CACNG5: variants seen among roughly 807,000 people sequenced by gnomAD.
CACNG5 encodes calcium voltage-gated channel auxiliary subunit gamma 5.
A neutral mutation model predicts 24.8 loss-of-function variants in CACNG5; 18 were observed. The ratio of observed to expected loss-of-function variants is 0.73; its 90% confidence interval spans 0.50 to 1.08. The LOEUF is 1.08. CACNG5 is among the 50% of genes least tolerant of loss of function. CACNG5 has a pLI of 0.00. For missense variants in CACNG5, 349 were observed against 367.9 expected, an observed-to-expected ratio of 0.95 and a Z score of 0.42; for synonymous variants, 157 against 149.1, an observed-to-expected ratio of 1.05 and a Z score of -0.39.
intron 1 of CACNG5, among the ~76,000 whole-genome samples, chr17:66,850,670 G>A (rs1204360589): frequency 6.6e-6 from 1 of 152,000 alleles, no homozygotes; most frequent in Non-Finnish European, 1.5e-5. Context: ...ACTGGGAAAT[G>A]CAGAAGAATA....
At chr17:66,850,380 G>T (rs548451954) in intron 1 of CACNG5, among the ~76,000 whole-genome samples, 1 of 152,088 alleles carries the variant, frequency 6.6e-6, no homozygotes, top group Non-Finnish European at 1.5e-5. Context: ...GTTAAATAAT[G>T]AAACAAAAAT....
rs1977251669 is a variant in CACNG5 at position 66,885,833 on chromosome 17, C to T, written c.*593C>T. 6.6e-6 allele frequency among the ~76,000 whole-genome samples: 1 copy of T among 152,240 alleles called. No homozygotes were observed. The highest frequency in any genetic ancestry group is 1.5e-5 in the Non-Finnish European group (1 of 68,048). On this transcript the variant is annotated 3_prime_UTR_variant, in exon 6 of 6. Coordinates refer to ENST00000533854, the MANE Select transcript of CACNG5 (RefSeq NM_145811.3). Reference sequence around the variant, plus strand: ...CACACCTGTCCATGCTCTTCCCTCCCTGACACAGGCTGTGGTGAACTTTTT... The same window carrying T: ...CACACCTGTCCATGCTCTTCCCTCCTTGACACAGGCTGTGGTGAACTTTTT...
chr17:66,850,597 CAT>C (rs570695903), intron 1 of CACNG5, among the ~76,000 whole-genome samples: 1 of 140,910 alleles, frequency 7.1e-6, no homozygotes, highest in African/African-American at 2.9e-5. Flanking sequence ...TACACAAATA[CAT>C]ACACACACAC....
At chr17:66,848,895 T>TA (rs1353434794) in intron 1 of CACNG5, among the ~76,000 whole-genome samples, 7 of 152,124 alleles carry the variant, frequency 4.6e-5, no homozygotes, top group African/African-American at 1.4e-4. Flanking sequence ...AAGATGGCAT[T>TA]ATGGGTGACA....
At chr17:66,851,367 C>G (rs1976708075) in intron 1 of CACNG5, among the ~76,000 whole-genome samples, 1 of 152,274 alleles carries the variant, frequency 6.6e-6, no homozygotes, top group South Asian at 2.1e-4. Flanking sequence ...CATAGGATTC[C>G]CATGGGGATG....
chr17:66,846,518 C>A (rs554997918), intron 1 of CACNG5, among the ~76,000 whole-genome samples: 1 of 152,162 alleles, frequency 6.6e-6, no homozygotes, highest in Admixed American at 6.5e-5. Flanking sequence ...TCTTTCACTT[C>A]ACATAATGTT....
chr17:66,844,656 C>T (rs1976611820), intron 1 of CACNG5, among the ~76,000 whole-genome samples: 2 of 151,418 alleles, frequency 1.3e-5, no homozygotes, highest in African/African-American at 2.4e-5. Flanking sequence ...TGGTCTCGGC[C>T]CCACAGCCAT....
At chr17:66,866,132 T>C (rs549645302) in intron 1 of CACNG5, among the ~76,000 whole-genome samples, 2 of 152,216 alleles carry the variant, frequency 1.3e-5, no homozygotes, top group African/African-American at 2.4e-5. Flanking sequence ...TGTTCTAGAG[T>C]AGAGAAATGG....
chr17:66,848,674 G>A (rs956689435), intron 1 of CACNG5, among the ~76,000 whole-genome samples: 3 of 152,156 alleles, frequency 2.0e-5, no homozygotes, highest in Admixed American at 6.5e-5. Flanking sequence ...CGAATTTGAG[G>A]TCCTGGTAGT....
At chr17:66,839,311 C>A (rs1976531415) in intron 1 of CACNG5, among the ~76,000 whole-genome samples, 1 of 151,992 alleles carries the variant, frequency 6.6e-6, no homozygotes, top group African/African-American at 2.4e-5. Context: ...GCCAAAAATC[C>A]CCTGGGAGGC....
intron 1 of CACNG5, among the ~76,000 whole-genome samples, chr17:66,876,062 T>G (rs1977073814): frequency 6.6e-6 from 1 of 152,196 alleles, no homozygotes; most frequent in African/African-American, 2.4e-5. Context: ...GGGATCCTGT[T>G]AAAATGCAGA....
intron 1 of CACNG5, among the ~76,000 whole-genome samples, chr17:66,865,849 G>T (rs1392911765): frequency 1.4e-5 from 2 of 146,624 alleles, no homozygotes; most frequent in Non-Finnish European, 3.0e-5. Context: ...CACTGTGTTA[G>T]CCAGGATGGT....
At chr17:66,869,726 G>C (rs1976976442) in intron 1 of CACNG5, among the ~76,000 whole-genome samples, 1 of 152,190 alleles carries the variant, frequency 6.6e-6, no homozygotes, top group African/African-American at 2.4e-5. Context: ...GTGAGAAGGA[G>C]CTAAGTAAGT....
In CACNG5 at chr17:66,885,258, C is replaced by T; in HGVS notation, c.*18C>T. On this transcript the variant is annotated 3_prime_UTR_variant, in exon 6 of 6. Transcript: ENST00000533854. ...CCTGCTGAGCCTCGGCCGCCCCCAT[C>T]CCTGGACTGTGGGTGGCCAGACAAC... 1 of 1,553,056 alleles carries T rather than the reference C, an allele frequency of 6.4e-7. No homozygotes were observed. Among genetic ancestry groups the T allele is most frequent in the Non-Finnish European group, 8.7e-7 (1 of 1,155,728 alleles).
intron 1 of CACNG5, among the ~76,000 whole-genome samples, chr17:66,866,896 T>TCCACA (rs1459104002): frequency 6.6e-6 from 1 of 152,244 alleles, no homozygotes; most frequent in Non-Finnish European, 1.5e-5. Context: ...TGATTCCATG[T>TCCACA]CTTTGCTCTT....
At chr17:66,852,463 T>C (rs1409441819) in intron 1 of CACNG5, among the ~76,000 whole-genome samples, 1 of 152,168 alleles carries the variant, frequency 6.6e-6, no homozygotes, top group Non-Finnish European at 1.5e-5. Context: ...AATTAAAATA[T>C]ACCCACAAAA....
At chr17:66,883,353 A>G (rs1170741153) in intron 4 of CACNG5, among the ~76,000 whole-genome samples, 1 of 152,118 alleles carries the variant, frequency 6.6e-6, no homozygotes, top group African/African-American at 2.4e-5. Flanking sequence ...AATGATAACA[A>G]TAAAGAGGGT....
chr17:66,857,324 G>A (rs1976795432), intron 1 of CACNG5, among the ~76,000 whole-genome samples: 1 of 151,972 alleles, frequency 6.6e-6, no homozygotes, highest in Non-Finnish European at 1.5e-5. Context: ...GGGATTATAG[G>A]CATGAGCCAC....
At chr17:66,872,305 A>G (rs1184645351) in intron 1 of CACNG5, among the ~76,000 whole-genome samples, 1 of 152,224 alleles carries the variant, frequency 6.6e-6, no homozygotes, top group Non-Finnish European at 1.5e-5. Flanking sequence ...CTCCTATAAG[A>G]AAAATCAAAT....
Sources: allele counts gnomAD v4.1 joint callset (sites outside exome capture counted in the v4.1 genomes callset), GRCh38; gene constraint gnomAD v4.1.1; transcripts MANE v1.5; gene names NCBI Gene and HGNC (gene_info 2026-07-23, HGNC 2026-07-21).